RPRD2: variants seen among roughly 807,000 people sequenced by gnomAD.
RPRD2 encodes regulation of nuclear pre-mRNA domain containing 2.
In RPRD2, 12 loss-of-function variants were observed where a neutral mutation model predicts 104.4. That is an observed-to-expected ratio of 0.11 (90% CI 0.07 to 0.19). RPRD2 has a LOEUF of 0.19. Ranked by LOEUF, RPRD2 falls within the 10% of genes least tolerant of loss-of-function variation. The probability of loss-of-function intolerance (pLI) is 1.00; values close to 1 mark genes in which losing one functional copy is unlikely to be tolerated. For synonymous variants in RPRD2, 714 were observed against 684.9 expected, an observed-to-expected ratio of 1.04 and a Z score of -0.66; for missense variants, 1,543 against 1,790.1, an observed-to-expected ratio of 0.86 and a Z score of 2.49.
chr1:150,450,225 A>G (rs1553896296), intron 7 of RPRD2, among the ~76,000 whole-genome samples: 1 of 152,152 alleles, frequency 6.6e-6, no homozygotes, highest in Non-Finnish European at 1.5e-5. Context: ...TTTGAAAATA[A>G]GTTGCTTGTA....
chr1:150,377,254 A>G (rs1437836597), intron 1 of RPRD2, among the ~76,000 whole-genome samples: 2 of 151,848 alleles, frequency 1.3e-5, no homozygotes, highest in East Asian at 3.9e-4. Flanking sequence ...TACTTCCTCT[A>G]TGTAAACCCC....
At chr1:150,418,647 C>G (rs1488869989) in intron 2 of RPRD2, among the ~76,000 whole-genome samples, 1 of 152,136 alleles carries the variant, frequency 6.6e-6, no homozygotes, top group Non-Finnish European at 1.5e-5. Context: ...TTTTCCTTTC[C>G]TGAAGATTCA....
intron 7 of RPRD2, among the ~76,000 whole-genome samples, chr1:150,456,573 G>C (rs1186585697): frequency 3.3e-5 from 5 of 151,436 alleles, no homozygotes; most frequent in African/African-American, 1.2e-4. Context: ...TTCAAGACTA[G>C]CCTGGATAAC....
At position 150,474,567 on chromosome 1, in the gene RPRD2, T is replaced by C. The variant is rs187541513; in HGVS notation, c.*1233T>C. On this transcript the variant is annotated 3_prime_UTR_variant, in exon 11 of 11. Coordinates refer to ENST00000369068, the MANE Select transcript of RPRD2 (RefSeq NM_015203.5). ...TTACATGCAAGATAAGTGCTTTCCT[T>C]CTCCCTGGACTGAAAGACTTGTTTG... The C allele has an allele frequency of 6.6e-6, 1 of 152,302 alleles. No homozygotes were observed. The allele number at this position is 152,302 out of a possible 1,614,324, so 9.4% of individuals were successfully genotyped here.
rs587774358 is a variant in RPRD2 at position 150,419,067 on chromosome 1, T to A, written c.335+1342T>A. 2.0e-5 allele frequency among the ~76,000 whole-genome samples: 3 copies of A among 152,288 alleles called. No individual in the cohort carries two copies. In the East Asian group the frequency reaches 5.8e-4, roughly 29 times the overall value. On this transcript the variant is annotated intron_variant, in intron 2 of 10. Transcript: ENST00000369068. The stretch of plus-strand genomic sequence containing the variant: ...CCTAAACTCTGACCATGGGCCCTTC[T>A]TTTTGAATGCCTATTGAACATCCCC...
At chr1:150,429,254 G>A (rs1433882973) in intron 2 of RPRD2, among the ~76,000 whole-genome samples, 2 of 152,040 alleles carry the variant, frequency 1.3e-5, no homozygotes, top group Admixed American at 6.6e-5. Flanking sequence ...CACCACGCCT[G>A]ACTAATTTTG....
rs1443090241 is a variant in RPRD2 at position 150,446,279 on chromosome 1, C to A, written c.748C>A (p.Leu250Met). The change falls in exon 7 of 11, where the codon CTG (leucine) becomes ATG (methionine). Residue 250 changes from leucine (L) to methionine (M), a missense_variant. Leu to Met is a conservative substitution (Grantham distance 15, BLOSUM62 2). This residue lies in a region of RPRD2 where 572 missense variants were observed against 787.3 expected (regional missense o/e 0.73). Coordinates refer to ENST00000369068, the MANE Select transcript of RPRD2 (RefSeq NM_015203.5). ...AGAATTTGAAGAGGCAAGCTCCAAG[C>A]TGGAAGAATTTGTGAATGGATTAGA... ...SKEFEEASSK[L>M]EEFVNGLDKQ... is the part of the protein sequence containing the mutation. The A allele has an allele frequency of 1.4e-5, 23 of 1,608,614 alleles. No homozygotes were observed. Among genetic ancestry groups the A allele is most frequent in the Non-Finnish European group, 1.9e-5 (22 of 1,178,474 alleles).
intron 1 of RPRD2, among the ~76,000 whole-genome samples, chr1:150,398,165 T>C (rs1481580968): frequency 7.6e-6 from 1 of 131,320 alleles, no homozygotes; most frequent in Non-Finnish European, 1.6e-5. Context: ...CCACTATGCC[T>C]GGCTAATTTT....
At chr1:150,380,087 C>G (rs1209206654) in intron 1 of RPRD2, among the ~76,000 whole-genome samples, 3 of 152,116 alleles carry the variant, frequency 2.0e-5, no homozygotes, top group Non-Finnish European at 4.4e-5. Context: ...AGTTTGTTAG[C>G]TTTTTATTTT....
chr1:150,401,884 C>T (rs1663048777), intron 1 of RPRD2, among the ~76,000 whole-genome samples: 1 of 151,782 alleles, frequency 6.6e-6, no homozygotes, highest in South Asian at 2.1e-4. Flanking sequence ...ACCTCGTGAT[C>T]CGCCTGCCTT....
chr1:150,382,481 C>T (rs1661209934), intron 1 of RPRD2, among the ~76,000 whole-genome samples: 2 of 151,958 alleles, frequency 1.3e-5, no homozygotes, highest in African/African-American at 4.8e-5. Flanking sequence ...AAGTGATCCT[C>T]TTGAGTAGCT....
rs6678113 is a variant in RPRD2 at position 150,380,837 on chromosome 1, A to C, written c.205+15918A>C. On this transcript the variant is annotated intron_variant, in intron 1 of 10. Transcript: ENST00000369068. ...GTCCAGCTAACTTTTTTGTATTTTT[A>C]GTAGAGACGGGGTTTCACCATGTTG... is the stretch of plus-strand genomic sequence containing the variant. 8.4e-3 allele frequency among the ~76,000 whole-genome samples: 1,283 copies of C among 151,942 alleles called. 26 individuals carry two copies. The highest frequency in any genetic ancestry group is 0.03 in the African/African-American group (1,228 of 41,452).
chr1:150,445,890 A>G (rs1470231579), intron 6 of RPRD2, among the ~76,000 whole-genome samples: 1 of 152,086 alleles, frequency 6.6e-6, no homozygotes, highest in Non-Finnish European at 1.5e-5. Flanking sequence ...AACACAGTGA[A>G]ACCCCATCTC....
intron 7 of RPRD2, among the ~76,000 whole-genome samples, chr1:150,454,020 A>G (rs1359482318): frequency 6.6e-6 from 1 of 152,012 alleles, no homozygotes. Flanking sequence ...CCCCTTCTCC[A>G]TGGCATGATT....
At position 150,460,327 on chromosome 1, in the gene RPRD2, C is replaced by G; in HGVS notation, c.1411+10C>G. On this transcript the variant is annotated intron_variant, in intron 9 of 10. Coordinates refer to ENST00000369068, the MANE Select transcript of RPRD2 (RefSeq NM_015203.5). ...GTCATGAAAAATACTGGTAAGTAAG[C>G]CCAGTAAGGAGGATAAAAAGTTAAT... The G allele has an allele frequency of 6.2e-7, 1 of 1,600,910 alleles. No homozygotes were observed. The highest frequency in any genetic ancestry group is 8.5e-7 in the Non-Finnish European group (1 of 1,171,434).
chr1:150,458,288 C>G (rs587609017), intron 8 of RPRD2, among the ~76,000 whole-genome samples: 22 of 152,174 alleles, frequency 1.4e-4, no homozygotes, highest in African/African-American at 5.3e-4. Flanking sequence ...AACCCTGTCT[C>G]TACAAAAAAT....
chr1:150,426,731 G>A (rs181844825), intron 2 of RPRD2, among the ~76,000 whole-genome samples: 2 of 152,332 alleles, frequency 1.3e-5, no homozygotes, highest in East Asian at 1.9e-4. Context: ...GGAATGGGGA[G>A]TTATTGTTCA....
At chr1:150,369,049 A>G (rs1660066472) in intron 1 of RPRD2, among the ~76,000 whole-genome samples, 1 of 152,204 alleles carries the variant, frequency 6.6e-6, no homozygotes, top group Admixed American at 6.5e-5. Context: ...CCCTGTCCCC[A>G]AACAACTAGG....
At chr1:150,429,895 G>C (rs1463062509) in intron 2 of RPRD2, among the ~76,000 whole-genome samples, 1 of 152,198 alleles carries the variant, frequency 6.6e-6, no homozygotes, top group South Asian at 2.1e-4. Flanking sequence ...TATTAGAATG[G>C]CAAAGCTAAC....
Sources: allele counts gnomAD v4.1 joint callset (sites outside exome capture counted in the v4.1 genomes callset), GRCh38; gene constraint gnomAD v4.1.1; regional missense constraint gnomAD v4.1.1; transcripts MANE v1.5; gene names NCBI Gene and HGNC (gene_info 2026-07-23, HGNC 2026-07-21).